FBXL4: variants seen among roughly 807,000 people sequenced by gnomAD.
FBXL4 encodes F-box/LRR-repeat protein 4.
In FBXL4, 40 loss-of-function variants were observed where a neutral mutation model predicts 58.9. The ratio of observed to expected loss-of-function variants is 0.68; its 90% CI spans 0.53 to 0.88. The LOEUF (loss-of-function observed/expected upper bound fraction) is 0.88. FBXL4 is among the 40% of genes least tolerant of loss of function. The pLI, the probability that FBXL4 is intolerant of heterozygous loss-of-function variation, is 0.00. For synonymous variants in FBXL4, 263 were observed against 265.5 expected, an observed-to-expected ratio of 0.99 and a Z score of 0.09; for missense variants, 676 against 734.4, an observed-to-expected ratio of 0.92 and a Z score of 0.92.
intron 2 of FBXL4, among the ~76,000 whole-genome samples, chr6:98,934,119 GAA>G (rs1252351329): frequency 8.5e-5 from 13 of 152,094 alleles, no homozygotes; most frequent in Non-Finnish European, 1.5e-4. Context: ...AACTCTGATT[GAA>G]ATTAAAGAAA....
intron 7 of FBXL4, among the ~76,000 whole-genome samples, chr6:98,881,825 A>C (rs2128379673): frequency 6.6e-6 from 1 of 152,230 alleles, no homozygotes; most frequent in East Asian, 1.9e-4. Flanking sequence ...TGTAGCTCTC[A>C]GAATGTTAAC....
At chr6:98,929,040 T>C (rs1772900456) in intron 2 of FBXL4, among the ~76,000 whole-genome samples, 1 of 152,200 alleles carries the variant, frequency 6.6e-6, no homozygotes, top group African/African-American at 2.4e-5. Context: ...CAAAGATCTT[T>C]ATTTCTCAAA....
intron 7 of FBXL4, among the ~76,000 whole-genome samples, chr6:98,893,104 CCAAA>C (rs1184137205): frequency 6.6e-6 from 1 of 151,806 alleles, no homozygotes; most frequent in Non-Finnish European, 1.5e-5. Flanking sequence ...TTTTTTTTCC[CCAAA>C]CAGAGAAAAG....
chr6:98,944,297 A>C (rs1159925879), intron 1 of FBXL4, among the ~76,000 whole-genome samples: 1 of 152,218 alleles, frequency 6.6e-6, no homozygotes, highest in Non-Finnish European at 1.5e-5. Context: ...AGACTATGAG[A>C]AAATACTAGC....
chr6:98,929,566 C>T (rs1200781626), intron 2 of FBXL4, among the ~76,000 whole-genome samples: 14 of 128,490 alleles, frequency 1.1e-4, no homozygotes, highest in African/African-American at 4.3e-4. Flanking sequence ...AGAAAAACTC[C>T]GTCTCAAAAA....
chr6:98,913,363 A>T (rs195817), intron 5 of FBXL4, among the ~76,000 whole-genome samples: 1 of 151,772 alleles, frequency 6.6e-6, no homozygotes, highest in African/African-American at 2.4e-5. Context: ...CCCAAATCAA[A>T]AGAATATACA....
At chr6:98,912,723 C>G (rs546977585) in intron 5 of FBXL4, among the ~76,000 whole-genome samples, 10 of 151,634 alleles carry the variant, frequency 6.6e-5, no homozygotes, top group Admixed American at 4.6e-4. Flanking sequence ...TGCAAAATCA[C>G]GCCAAAATGT....
chr6:98,906,761 T>C (rs780855936), intron 5 of FBXL4, among the ~76,000 whole-genome samples: 3 of 152,198 alleles, frequency 2.0e-5, no homozygotes, highest in Non-Finnish European at 4.4e-5. Context: ...TCTTCCACAA[T>C]GGTTGACTAA....
Position 98,926,862 on chromosome 6 carries a change from G to C in FBXL4, c.127C>G (p.Gln43Glu). ...NTHRAIESNSQTSPLNAEVVQ... is the reference protein window; with the variant it reads ...NTHRAIESNSETSPLNAEVVQ... Reference sequence around the variant, plus strand: ...ACCTCTGCATTGAGAGGGGAAGTCTGGCTGTTTGATTCTATAGCTCTATGG... The same window carrying C: ...ACCTCTGCATTGAGAGGGGAAGTCTCGCTGTTTGATTCTATAGCTCTATGG... The change falls in exon 4 of 10, where the codon CAG becomes GAG. Residue 43 changes from glutamine (Q) to glutamate (E), a missense_variant. Coordinates refer to ENST00000369244, the MANE Select transcript of FBXL4 (RefSeq NM_001278716.2). 1 of 1,614,160 alleles carries C rather than the reference G, an allele frequency of 6.2e-7. No homozygotes were observed. Among genetic ancestry groups the C allele is most frequent in the Non-Finnish European group, 8.5e-7 (1 of 1,180,032 alleles).
intron 7 of FBXL4, among the ~76,000 whole-genome samples, chr6:98,887,170 G>A (rs1322436083): frequency 6.6e-6 from 1 of 152,204 alleles, no homozygotes; most frequent in Non-Finnish European, 1.5e-5. Context: ...GGAGGCTGAG[G>A]TGGGAAGACT....
intron 7 of FBXL4, among the ~76,000 whole-genome samples, chr6:98,892,304 A>C (rs1479696938): frequency 6.6e-6 from 1 of 152,194 alleles, no homozygotes; most frequent in African/African-American, 2.4e-5. Context: ...TGCATTAGTT[A>C]ATTTAGGTGA....
At chr6:98,884,577 T>G (rs1366314718) in intron 7 of FBXL4, among the ~76,000 whole-genome samples, 1 of 152,170 alleles carries the variant, frequency 6.6e-6, no homozygotes, top group African/African-American at 2.4e-5. Flanking sequence ...TCAATCTAAT[T>G]GTTTTCCTCT....
chr6:98,922,824 GT>G (rs1772633648), intron 4 of FBXL4, among the ~76,000 whole-genome samples: 1 of 151,840 alleles, frequency 6.6e-6, no homozygotes, highest in African/African-American at 2.4e-5. Context: ...TTGGCATTTT[GT>G]TTGTCTTTTT....
chr6:98,939,691 T>C (rs1352037238), intron 1 of FBXL4, among the ~76,000 whole-genome samples: 7 of 152,246 alleles, frequency 4.6e-5, no homozygotes, highest in Non-Finnish European at 2.9e-5. Context: ...GCTTGTAATG[T>C]CATGACTTCT....
At chr6:98,892,620 A>G (rs1269731920) in intron 7 of FBXL4, among the ~76,000 whole-genome samples, 1 of 152,248 alleles carries the variant, frequency 6.6e-6, no homozygotes, top group Non-Finnish European at 1.5e-5. Context: ...CCTTTTGTAG[A>G]AAGCCCAGCT....
chr6:98,886,361 C>T (rs937120941), intron 7 of FBXL4, among the ~76,000 whole-genome samples: 3 of 151,994 alleles, frequency 2.0e-5, no homozygotes, highest in Non-Finnish European at 4.4e-5. Context: ...GTCTGACATA[C>T]CTTTTAGAAA....
chr6:98,926,707 T>A lies in FBXL4; in HGVS notation c.282A>T (p.Thr94=). The change falls in exon 4 of 10, where the codon ACA becomes ACT. Residue 94 remains threonine (T), a synonymous_variant. Transcript: ENST00000369244. ...ATGTCCCATAAGTTCGAAACACAGC[T>A]GTCTGAGTAAAGTCACCAGAACTTG... ...VFPSSGDFTQ[T]AVFRTYGTWW... The A allele has an allele frequency of 6.2e-7, 1 of 1,614,220 alleles. No homozygotes were observed.
chr6:98,878,065 A>G, intron 8 of FBXL4, among the ~76,000 whole-genome samples: 1 of 152,228 alleles, frequency 6.6e-6, no homozygotes, highest in East Asian at 1.9e-4. Context: ...AAAGTGACAC[A>G]ACTAATTTAG....
chr6:98,882,569 C>T (rs1303110020), intron 7 of FBXL4, among the ~76,000 whole-genome samples: 1 of 151,824 alleles, frequency 6.6e-6, no homozygotes, highest in African/African-American at 2.4e-5. Flanking sequence ...CTCAAATATA[C>T]AAACAAGTGT....
Sources: gnomAD v4.1 joint callset for allele counts (sites outside exome capture counted in the v4.1 genomes callset) on GRCh38, gnomAD v4.1.1 for gene constraint, MANE v1.5 for transcripts, NCBI Gene and HGNC (gene_info 2026-07-23, HGNC 2026-07-21) for gene names.